Variants in SMURF1 observed in about 807,000 individuals in gnomAD.
The protein encoded by SMURF1 is E3 ubiquitin-protein ligase SMURF1.
In SMURF1, 44 loss-of-function variants were observed where a neutral mutation model predicts 98.0. The ratio of observed to expected loss-of-function variants is 0.45; its 90% CI spans 0.35 to 0.58. The LOEUF (loss-of-function observed/expected upper bound fraction) is 0.58, where lower values mean the gene tolerates loss of function less well. SMURF1 is among the 20% of genes least tolerant of loss of function. The pLI is 0.00. For missense variants in SMURF1, 687 were observed against 938.4 expected, an observed-to-expected ratio of 0.73 and a Z score of 3.50; for synonymous variants, 396 against 374.9, an observed-to-expected ratio of 1.06 and a Z score of -0.65.
chr7:99,047,810 C>A lies in SMURF1; in HGVS notation c.1026G>T (p.Glu342Asp). ...LPSEGSLEDE[E>D]LPAQRYERDL... Reference sequence around the variant, plus strand: ...CTCTTTCGTATCTCTGGGCAGGAAGCTCCTCGTCCTCCAGAGAGCCCTCAC... The same window carrying A: ...CTCTTTCGTATCTCTGGGCAGGAAGATCCTCGTCCTCCAGAGAGCCCTCAC... The change falls in exon 10 of 18, where the codon GAG (glutamate) becomes GAT (aspartate). Residue 342 changes from glutamate (E) to aspartate (D), a missense_variant. Physicochemically the swap from Glu to Asp is conservative, Grantham distance 45 (BLOSUM62 2). This residue lies in a region of SMURF1 where 415 missense variants were observed against 508.4 expected (regional missense o/e 0.82). Coordinates refer to ENST00000361368, the MANE Select transcript of SMURF1 (RefSeq NM_181349.3). The A allele has an allele frequency of 6.2e-7, 1 of 1,614,190 alleles. No homozygotes were observed. Among genetic ancestry groups the A allele is most frequent in the Non-Finnish European group, 8.5e-7 (1 of 1,180,044 alleles).
chr7:99,035,799 C>G, intron 15 of SMURF1, 83 bp from the exon 16 acceptor site: 1 of 1,369,734 alleles, frequency 7.3e-7, no homozygotes, highest in South Asian at 1.3e-5. Flanking sequence ...CGACACACAA[C>G]AGTGAAAAGT....
intron 1 of SMURF1, among the ~76,000 whole-genome samples, chr7:99,128,339 C>T (rs924959373): frequency 5.3e-5 from 8 of 152,132 alleles, no homozygotes; most frequent in Non-Finnish European, 8.8e-5. Flanking sequence ...AGTCAGTAAA[C>T]AGGTCAAGTC....
At chr7:99,118,628 C>A (rs1299933540) in intron 1 of SMURF1, among the ~76,000 whole-genome samples, 1 of 152,062 alleles carries the variant, frequency 6.6e-6, no homozygotes, top group Non-Finnish European at 1.5e-5. Flanking sequence ...AGTTGTAAAG[C>A]CTAGGGTTGG....
chr7:99,129,049 C>G (rs567810207), intron 1 of SMURF1, among the ~76,000 whole-genome samples: 11 of 152,166 alleles, frequency 7.2e-5, no homozygotes, highest in South Asian at 6.2e-4. Context: ...ATGTTTAAAC[C>G]AAGACAGATG....
chr7:99,138,652 AAAATGGAGATAG>A, intron 1 of SMURF1, among the ~76,000 whole-genome samples: 1 of 152,324 alleles, frequency 6.6e-6, no homozygotes. Context: ...AACTACTGTA[AAAATGGAGATAG>A]AAATAAAGCA....
chr7:99,034,720 A>T (rs1471191904), intron 16 of SMURF1, among the ~76,000 whole-genome samples: 1 of 151,958 alleles, frequency 6.6e-6, no homozygotes, highest in Non-Finnish European at 1.5e-5. Context: ...TCAGCCTCAA[A>T]CCCCTTTTTA....
At chr7:99,087,512 C>T (rs1309212107) in intron 1 of SMURF1, among the ~76,000 whole-genome samples, 3 of 152,074 alleles carry the variant, frequency 2.0e-5, no homozygotes, top group Non-Finnish European at 2.9e-5. Context: ...CCATGCTCTG[C>T]GGAACAATAC....
chr7:99,086,830 A>G (rs1423011546), intron 1 of SMURF1, among the ~76,000 whole-genome samples: 1 of 152,244 alleles, frequency 6.6e-6, no homozygotes, highest in Non-Finnish European at 1.5e-5. Context: ...ACATATGCAC[A>G]ATGTCATTTA....
intron 1 of SMURF1, among the ~76,000 whole-genome samples, chr7:99,119,190 A>G (rs1128097): frequency 0.62 from 94,829 of 151,810 alleles, 35,334 homozygotes; most frequent in East Asian, 0.87. Context: ...ATATATGTAC[A>G]AGTATTTTTA....
chr7:99,064,720 C>T (rs1166418675), intron 1 of SMURF1, among the ~76,000 whole-genome samples: 1 of 152,158 alleles, frequency 6.6e-6, no homozygotes, highest in Non-Finnish European at 1.5e-5. Flanking sequence ...AATATTTCTT[C>T]TTCAGAGTAA....
chr7:99,085,964 G>A (rs1017557037), intron 1 of SMURF1, among the ~76,000 whole-genome samples: 2 of 152,126 alleles, frequency 1.3e-5, no homozygotes, highest in Admixed American at 1.3e-4. Context: ...TTTCTCCAAA[G>A]AAGATAAACA....
intron 1 of SMURF1, among the ~76,000 whole-genome samples, chr7:99,099,686 C>G (rs946075736): frequency 1.3e-5 from 2 of 152,108 alleles, no homozygotes; most frequent in African/African-American, 4.8e-5. Context: ...TAATGCCTTC[C>G]CACGGGAGTG....
At chr7:99,058,926 A>T (rs1795950561) in intron 3 of SMURF1, among the ~76,000 whole-genome samples, 1 of 152,140 alleles carries the variant, frequency 6.6e-6, no homozygotes, top group East Asian at 1.9e-4. Context: ...TCTACTAAAA[A>T]TATAAAAATT....
intron 1 of SMURF1, among the ~76,000 whole-genome samples, chr7:99,079,135 A>T (rs745454159): frequency 1.3e-5 from 2 of 152,240 alleles, no homozygotes; most frequent in Non-Finnish European, 2.9e-5. Flanking sequence ...CGGGAAGCTG[A>T]GGCCCAGAGG....
intron 2 of SMURF1, 77 bp downstream of exon 2, chr7:99,061,722 A>C (rs1796038164): frequency 8.4e-7 from 1 of 1,191,440 alleles, no homozygotes; most frequent in Non-Finnish European, 1.2e-6. Context: ...GAATATACCC[A>C]ATCTTTTTTT....
In SMURF1 at chr7:99,047,682, A is replaced by G; in HGVS notation, c.1152+2T>C. 1 of 1,614,144 alleles carries G rather than the reference A, an allele frequency of 6.2e-7. No homozygotes were observed. Among genetic ancestry groups the G allele is most frequent in the Non-Finnish European group, 8.5e-7 (1 of 1,180,008 alleles). On this transcript the variant is annotated splice_donor_variant, in intron 10 of 17. Coordinates refer to ENST00000361368, the MANE Select transcript of SMURF1 (RefSeq NM_181349.3). LOFTEE classifies it high-confidence loss of function. ...TCTGGGCAGTGGCCCTGAACTCTCT[A>G]CCTCAAAGATTTCTTCTCTGGACAC...
At chr7:99,093,256 T>G (rs1796855396) in intron 1 of SMURF1, among the ~76,000 whole-genome samples, 1 of 152,210 alleles carries the variant, frequency 6.6e-6, no homozygotes, top group Non-Finnish European at 1.5e-5. Flanking sequence ...TGTTATATTC[T>G]GGAAATGTTT....
chr7:99,087,009 T>C (rs1796694991), intron 1 of SMURF1, among the ~76,000 whole-genome samples: 1 of 152,176 alleles, frequency 6.6e-6, no homozygotes, highest in African/African-American at 2.4e-5. Flanking sequence ...ATTCTGTGGA[T>C]ATACGGAAAA....
intron 1 of SMURF1, among the ~76,000 whole-genome samples, chr7:99,140,441 C>T (rs1422896038): frequency 6.6e-6 from 1 of 152,002 alleles, no homozygotes; most frequent in African/African-American, 2.4e-5. Flanking sequence ...CGCCCGCCAC[C>T]ACACCCAGCT....
Sources: gnomAD v4.1 joint callset for allele counts (sites outside exome capture counted in the v4.1 genomes callset) on GRCh38, gnomAD v4.1.1 for gene constraint, gnomAD v4.1.1 regional missense constraint, MANE v1.5 for transcripts, NCBI Gene and HGNC (gene_info 2026-07-23, HGNC 2026-07-21) for gene names.